MSRA: variants seen among roughly 807,000 people sequenced by gnomAD.
The protein encoded by MSRA is methionine sulfoxide reductase A.
MSRA carries 54 observed loss-of-function variants against 31.3 expected under a neutral mutation model. The ratio of observed to expected loss-of-function variants is 1.73; its 90% CI spans 1.39 to 2.17. The LOEUF (loss-of-function observed/expected upper bound fraction) is 2.17, where lower values mean the gene tolerates loss of function less well. Ranked by LOEUF, MSRA falls within the 30% of genes most tolerant of loss-of-function variation. The pLI is 0.00. For synonymous variants in MSRA, 169 were observed against 116.5 expected, an observed-to-expected ratio of 1.45 and a Z score of -2.90; for missense variants, 507 against 300.9, an observed-to-expected ratio of 1.69 and a Z score of -5.07.
At chr8:10,227,897 T>A (rs1310718547) in intron 2 of MSRA, among the ~76,000 whole-genome samples, 1 of 152,204 alleles carries the variant, frequency 6.6e-6, no homozygotes, top group East Asian at 1.9e-4. Flanking sequence ...TTTAACATGA[T>A]GTAGATTTTC....
chr8:10,226,518 G>A (rs566254122), intron 2 of MSRA, among the ~76,000 whole-genome samples: 2 of 152,142 alleles, frequency 1.3e-5, no homozygotes, highest in African/African-American at 2.4e-5. Context: ...ACCTACTGCA[G>A]TGTCATGGTC....
chr8:10,246,360 C>G (rs1478151350), intron 3 of MSRA, among the ~76,000 whole-genome samples: 1 of 152,146 alleles, frequency 6.6e-6, no homozygotes, highest in Non-Finnish European at 1.5e-5. Context: ...TGTTTCTGAC[C>G]TAAAGGATTT....
chr8:10,276,566 A>C (rs1263484622), intron 3 of MSRA, among the ~76,000 whole-genome samples: 1 of 152,232 alleles, frequency 6.6e-6, no homozygotes, highest in Non-Finnish European at 1.5e-5. Context: ...GCTCTGGATT[A>C]ATGTGATTAA....
intron 5 of MSRA, among the ~76,000 whole-genome samples, chr8:10,379,968 C>T (rs1011705710): frequency 6.6e-6 from 1 of 152,280 alleles, no homozygotes; most frequent in Non-Finnish European, 1.5e-5. Flanking sequence ...CCAGACGATA[C>T]GAGAGGGTGG....
chr8:10,308,348 C>T (rs1243295190), intron 4 of MSRA, among the ~76,000 whole-genome samples: 1 of 152,144 alleles, frequency 6.6e-6, no homozygotes, highest in Non-Finnish European at 1.5e-5. Flanking sequence ...AGTGTGGACC[C>T]TGGGGTCAGA....
chr8:10,348,570 G>A (rs966755227), intron 5 of MSRA, among the ~76,000 whole-genome samples: 5 of 151,860 alleles, frequency 3.3e-5, no homozygotes, highest in African/African-American at 7.2e-5. Flanking sequence ...GGGTTTCACC[G>A]TGTTGGCCAG....
chr8:10,177,637 A>G (rs978873656), intron 1 of MSRA, among the ~76,000 whole-genome samples: 39 of 152,172 alleles, frequency 2.6e-4, no homozygotes, highest in Non-Finnish European at 4.6e-4. Flanking sequence ...TGGTGACATG[A>G]TGTATACCAT....
chr8:10,133,029 C>T (rs1158605583), intron 1 of MSRA, among the ~76,000 whole-genome samples: 2 of 152,128 alleles, frequency 1.3e-5, no homozygotes, highest in East Asian at 1.9e-4. Context: ...TACAAGAGTG[C>T]CTAGAGTGCC....
chr8:10,321,060 G>A (rs953169183), intron 5 of MSRA, among the ~76,000 whole-genome samples: 8 of 152,140 alleles, frequency 5.3e-5, no homozygotes, highest in Non-Finnish European at 1.2e-4. Flanking sequence ...ATTGAATTAT[G>A]ATAAAAGTAG....
intron 1 of MSRA, among the ~76,000 whole-genome samples, chr8:10,172,698 C>G (rs1001565496): frequency 1.3e-5 from 2 of 152,104 alleles, no homozygotes; most frequent in African/African-American, 4.8e-5. Context: ...CCCAAAGTCT[C>G]CCATGATGGG....
intron 1 of MSRA, among the ~76,000 whole-genome samples, chr8:10,097,165 TATATAA>T (rs939678444): frequency 2.0e-5 from 3 of 152,216 alleles, no homozygotes; most frequent in African/African-American, 7.2e-5. Context: ...TGGCATTTAA[TATATAA>T]ATATGATTGA....
chr8:10,305,409 CTTT>C (rs549346544), intron 4 of MSRA, among the ~76,000 whole-genome samples: 212 of 122,928 alleles, frequency 1.7e-3, no homozygotes, highest in African/African-American at 2.1e-3. Context: ...TGTTTTCTTC[CTTT>C]TTTTTTTTTT....
intron 5 of MSRA, among the ~76,000 whole-genome samples, chr8:10,404,180 C>CCTCATTTCCCCACAATGCCGGGAAAGT (rs1807646569): frequency 7.9e-5 from 12 of 152,152 alleles, no homozygotes; most frequent in Admixed American, 7.9e-4. Flanking sequence ...GGAGAGGTCA[C>CCTCATTTCCCCACAATGCCGGGAAAGT]CTCATTTCCC....
chr8:10,077,381 A>T (rs1169822823), intron 1 of MSRA, among the ~76,000 whole-genome samples: 3 of 151,580 alleles, frequency 2.0e-5, no homozygotes, highest in Middle Eastern at 3.2e-3. Flanking sequence ...AAATGTGTGT[A>T]TTCTAAAGGG....
intron 2 of MSRA, among the ~76,000 whole-genome samples, chr8:10,236,569 G>T (rs1398591173): frequency 6.6e-6 from 1 of 152,142 alleles, no homozygotes; most frequent in Non-Finnish European, 1.5e-5. Context: ...TCTTGCGATG[G>T]AGTCTCACTC....
At chr8:10,065,943 G>T (rs888854122) in intron 1 of MSRA, among the ~76,000 whole-genome samples, 10 of 151,248 alleles carry the variant, frequency 6.6e-5, no homozygotes, top group Non-Finnish European at 1.5e-4. Flanking sequence ...GCTCCTCCTG[G>T]CTTCAGGGCC....
chr8:10,148,735 A>AG (rs144199641), intron 1 of MSRA, among the ~76,000 whole-genome samples: 29,266 of 149,622 alleles, frequency 0.2, 3,663 homozygotes, highest in East Asian at 0.55. Context: ...CCAGGAGGTC[A>AG]GGGCTGCAGT....
At chr8:10,358,460 C>T (rs543979149) in intron 5 of MSRA, among the ~76,000 whole-genome samples, 7 of 152,044 alleles carry the variant, frequency 4.6e-5, no homozygotes, top group Admixed American at 1.3e-4. Flanking sequence ...CCCCAACCCC[C>T]GGTTCTGGCC....
At chr8:10,185,569 G>C (rs537065476) in intron 1 of MSRA, among the ~76,000 whole-genome samples, 1 of 152,320 alleles carries the variant, frequency 6.6e-6, no homozygotes, top group African/African-American at 2.4e-5. Context: ...GTCTTTGTGA[G>C]TCATTGCGAG....
Sources: gnomAD v4.1 joint callset for allele counts (sites outside exome capture counted in the v4.1 genomes callset) on GRCh38, gnomAD v4.1.1 for gene constraint, MANE v1.5 for transcripts, NCBI Gene and HGNC (gene_info 2026-07-23, HGNC 2026-07-21) for gene names.